The following DPP3 variants were observed in gnomAD, a reference collection of about 807,000 sequenced individuals.
DPP3 encodes the protein DPP III.
In DPP3, 64 loss-of-function variants were observed where a neutral mutation model predicts 89.8. That is an observed-to-expected ratio of 0.71 (90% CI 0.58 to 0.88). DPP3 has a LOEUF of 0.88. DPP3 is among the 40% of genes least tolerant of loss of function. The probability of loss-of-function intolerance (pLI) is 0.00; values close to 1 mark genes in which losing one functional copy is unlikely to be tolerated. For synonymous variants in DPP3, 377 were observed against 404.3 expected (o/e 0.93, Z 0.81); for missense variants, 835 against 972.5 (o/e 0.86, Z 1.88).
intron 1 of DPP3, chr11:66,480,706 G>A (rs1201703527): frequency 2.4e-6 from 1 of 422,194 alleles, no homozygotes; most frequent in Non-Finnish European, 4.1e-6. Context: ...GAGGAGGCTG[G>A]ACACTCTGTC....
intron 4 of DPP3, among the ~76,000 whole-genome samples, 199 bp from the exon 5 acceptor site, chr11:66,487,069 G>A (rs528225031): frequency 7.9e-5 from 12 of 152,160 alleles, no homozygotes; most frequent in Non-Finnish European, 1.6e-4. Flanking sequence ...CAGCCAGAGA[G>A]AGGCCTGGGC....
chr11:66,483,172 A>G (rs758537765), intron 2 of DPP3: 1 of 152,084 alleles, frequency 6.6e-6, no homozygotes, highest in Non-Finnish European at 1.5e-5. Context: ...AACTACAGGT[A>G]TGTGCCACCA....
intron 2 of DPP3, among the ~76,000 whole-genome samples, chr11:66,484,447 G>A (rs1391109241): frequency 1.3e-5 from 2 of 152,058 alleles, no homozygotes; most frequent in Non-Finnish European, 2.9e-5. Flanking sequence ...TCGTCTCTCA[G>A]CTTGCTTGCT....
chr11:66,508,635 G>A (rs766414136), intron 17 of DPP3, among the ~76,000 whole-genome samples: 1 of 152,154 alleles, frequency 6.6e-6, no homozygotes, highest in Non-Finnish European at 1.5e-5. Context: ...CAATTCTCCA[G>A]CCTCAGCCTC....
At chr11:66,494,649 G>A (rs558385995) in intron 12 of DPP3, among the ~76,000 whole-genome samples, 52 of 152,354 alleles carry the variant, frequency 3.4e-4, no homozygotes, top group African/African-American at 1.2e-3. Flanking sequence ...CGGAGGTTGT[G>A]TGCTCTGACT....
chr11:66,488,315 A>G (rs989720370), intron 6 of DPP3, among the ~76,000 whole-genome samples: 8 of 152,170 alleles, frequency 5.3e-5, no homozygotes, highest in Admixed American at 2.0e-4. Flanking sequence ...TAATCCCAGC[A>G]CTTTGGGAGG....
chr11:66,507,398 C>T (rs1420333977), intron 17 of DPP3, among the ~76,000 whole-genome samples: 3 of 151,934 alleles, frequency 2.0e-5, no homozygotes, highest in East Asian at 1.9e-4. Context: ...ACCCGGGAGG[C>T]GGAGCTTGCA....
intron 9 of DPP3, 86 bp from the exon 10 acceptor site, chr11:66,492,630 T>G (rs1481678065): frequency 7.0e-6 from 10 of 1,430,566 alleles, no homozygotes; most frequent in Non-Finnish European, 8.5e-6. Flanking sequence ...CAGTAGGCAT[T>G]CAGTACATGC....
In DPP3 at chr11:66,495,419, G is replaced by A. The variant is rs369936005; in HGVS notation, c.1507G>A (p.Ala503Thr). 1 of 1,612,612 alleles carries A rather than the reference G, an allele frequency of 6.2e-7. No homozygotes were observed. The highest frequency in any genetic ancestry group is 8.5e-7 in the Non-Finnish European group (1 of 1,179,290). Reference sequence around the variant, plus strand: ...CTGGGATAGCAAGTTCAGCACCATCGCCTCCAGCTACGAAGAGTGCCGGGC... The same window carrying A: ...CTGGGATAGCAAGTTCAGCACCATCACCTCCAGCTACGAAGAGTGCCGGGC... Reference protein sequence around the residue: ...ETWDSKFSTIASSYEECRAES... With the variant: ...ETWDSKFSTITSSYEECRAES... Residue 503 changes from alanine (A) to threonine (T), a missense_variant, in exon 14 of 18, where the codon GCC becomes ACC. Ala to Thr is a moderately conservative substitution (Grantham distance 58, BLOSUM62 0). Coordinates refer to ENST00000531863, the MANE Select transcript of DPP3 (RefSeq NM_130443.4).
Position 66,501,331 on chromosome 11 carries a change from GC to G in DPP3, c.1879-3279del, listed in dbSNP as rs1433908916. 1.1e-4 allele frequency among the ~76,000 whole-genome samples: 17 copies of G among 151,822 alleles called. 1 individual carries two copies. The highest frequency in any genetic ancestry group is 4.2e-4 in the South Asian group (2 of 4,814). ...GCCATGATCGTGCTGCTGCACTCCA[GC>G]CTGGGCAACAAGAGTGAAAATTACG... On this transcript the variant is annotated intron_variant, in intron 16 of 17. Transcript: ENST00000531863.
At chr11:66,490,510 C>G (rs1335211782) in intron 6 of DPP3, among the ~76,000 whole-genome samples, 1 of 152,142 alleles carries the variant, frequency 6.6e-6, no homozygotes, top group Non-Finnish European at 1.5e-5. Context: ...ACAGCTCCTC[C>G]TCCCAGTCAC....
At chr11:66,482,681 A>C (rs1371576895) in intron 2 of DPP3, among the ~76,000 whole-genome samples, 1 of 152,270 alleles carries the variant, frequency 6.6e-6, no homozygotes, top group African/African-American at 2.4e-5. Context: ...TGACCCACTT[A>C]GAACAGTGCC....
chr11:66,484,965 C>T (rs1341856398), intron 2 of DPP3, among the ~76,000 whole-genome samples: 3 of 152,080 alleles, frequency 2.0e-5, no homozygotes, highest in Admixed American at 2.0e-4. Flanking sequence ...CCCAGAAGAT[C>T]AGTTAGGCCA....
chr11:66,499,079 G>A (rs923341498), intron 16 of DPP3, among the ~76,000 whole-genome samples: 58 of 152,154 alleles, frequency 3.8e-4, no homozygotes, highest in African/African-American at 1.3e-3. Flanking sequence ...TCTTACACTA[G>A]GTGCTGGGCG....
chr11:66,491,694 C>A lies in DPP3; in HGVS notation c.930-4C>A, dbSNP rs1384668954. 3.7e-6 allele frequency: 6 copies of A among 1,613,696 alleles called. No individual in the cohort carries two copies. The highest frequency in any genetic ancestry group is 5.1e-6 in the Non-Finnish European group (6 of 1,179,808). The stretch of plus-strand genomic sequence containing the variant: ...TCCTCCACCTCTGCCCTTCTCTCCC[C>A]CAGTTACATCGGGTTCATCGAGAGC... On this transcript the variant is annotated splice_region_variant and splice_polypyrimidine_tract_variant and intron_variant, in intron 8 of 17. Coordinates refer to ENST00000531863, the MANE Select transcript of DPP3 (RefSeq NM_130443.4).
chr11:66,495,280 C>G lies in DPP3; in HGVS notation c.1452+12C>G, dbSNP rs1411907165. The G allele has an allele frequency of 6.2e-7, 1 of 1,613,514 alleles. No individual in the cohort carries two copies. Among genetic ancestry groups the G allele is most frequent in the African/African-American group, 1.3e-5 (1 of 74,910 alleles). On this transcript the variant is annotated intron_variant, in intron 13 of 17. Coordinates refer to ENST00000531863, the MANE Select transcript of DPP3 (RefSeq NM_130443.4). The stretch of plus-strand genomic sequence containing the variant: ...AGACGGGCGAGCAGGTGAGGGAGGC[C>G]TCAGCAGAGCCCCAGGGTACTGGGA...
At chr11:66,485,383 C>G (rs911720759) in intron 3 of DPP3, 121 bp downstream of exon 3, 19 of 938,710 alleles carry the variant, frequency 2.0e-5, no homozygotes, top group Non-Finnish European at 2.9e-5. Context: ...TGGACCCTGT[C>G]GCTTCCACCC....
chr11:66,488,895 A>G (rs931848760), intron 6 of DPP3, among the ~76,000 whole-genome samples: 1 of 152,066 alleles, frequency 6.6e-6, no homozygotes, highest in African/African-American at 2.4e-5. Flanking sequence ...TGTATCGCCC[A>G]GGCTGGAGTG....
At chr11:66,493,207 G>C (rs1340484523) in intron 11 of DPP3, 28 bp downstream of exon 11, 1 of 1,592,208 alleles carries the variant, frequency 6.3e-7, no homozygotes, top group South Asian at 1.1e-5. Flanking sequence ...GAGGGTCGGG[G>C]CTGGGCCTCA....
Sources: allele counts gnomAD v4.1 joint callset (sites outside exome capture counted in the v4.1 genomes callset), GRCh38; gene constraint gnomAD v4.1.1; transcripts MANE v1.5; gene names NCBI Gene and HGNC (gene_info 2026-07-23, HGNC 2026-07-21).